Variants in CD96 observed in about 807,000 individuals in gnomAD.
CD96 encodes CD96 molecule, also known as T-cell surface protein tactile.
In CD96, 70 loss-of-function variants were observed where a neutral mutation model predicts 71.3. The observed-to-expected ratio is 0.98, with a 90% CI of 0.81 to 1.20. CD96 has a LOEUF of 1.20. Ranked by LOEUF, CD96 falls within the 50% of genes most tolerant of loss-of-function variation. The pLI is 0.00. For missense variants in CD96, 742 were observed against 677.5 expected, an observed-to-expected ratio of 1.10 and a Z score of -1.06; for synonymous variants, 248 against 233.0, an observed-to-expected ratio of 1.06 and a Z score of -0.59.
chr3:111,568,230 A>T (rs1335208342), intron 3 of CD96, among the ~76,000 whole-genome samples: 3 of 152,214 alleles, frequency 2.0e-5, no homozygotes, highest in Admixed American at 6.5e-5. Flanking sequence ...TAAAAAACAA[A>T]AAACAGACAA....
At chr3:111,620,932 C>T (rs1254793801) in intron 8 of CD96, among the ~76,000 whole-genome samples, 2 of 152,192 alleles carry the variant, frequency 1.3e-5, no homozygotes, top group South Asian at 2.1e-4. Flanking sequence ...ATTTATGTCA[C>T]ATTATTTTCT....
At chr3:111,567,412 C>T in intron 2 of CD96, 111 bp from the exon 3 acceptor site, 2 of 832,224 alleles carry the variant, frequency 2.4e-6, no homozygotes, top group Non-Finnish European at 2.0e-6. Flanking sequence ...CATAGGTGTA[C>T]CCTGAGGACA....
At chr3:111,573,403 G>A (rs1439301501) in intron 3 of CD96, among the ~76,000 whole-genome samples, 1 of 152,112 alleles carries the variant, frequency 6.6e-6, no homozygotes, top group Non-Finnish European at 1.5e-5. Flanking sequence ...AAAAACGGCA[G>A]CATGGGGAAA....
At chr3:111,615,635 C>A (rs1938193798) in intron 8 of CD96, among the ~76,000 whole-genome samples, 1 of 152,066 alleles carries the variant, frequency 6.6e-6, no homozygotes, top group African/African-American at 2.4e-5. Context: ...TAAAAATAAT[C>A]TAGGTTTAGA....
chr3:111,594,498 G>C (rs1476262270), intron 5 of CD96: 1 of 320,188 alleles, frequency 3.1e-6, no homozygotes, highest in East Asian at 5.3e-5. Flanking sequence ...ATCAGTTCCT[G>C]TAGCAAAGGG....
At chr3:111,616,878 C>G (rs1938266468) in intron 8 of CD96, among the ~76,000 whole-genome samples, 1 of 152,146 alleles carries the variant, frequency 6.6e-6, no homozygotes. Flanking sequence ...TGGCTCCAGA[C>G]CCTGACACCC....
intron 6 of CD96, 67 bp from the exon 7 acceptor site, chr3:111,600,659 C>A: frequency 8.4e-7 from 1 of 1,191,322 alleles, no homozygotes; most frequent in Non-Finnish European, 1.3e-6. Context: ...CATGCCATGC[C>A]TTGGCATTAT....
chr3:111,649,576 G>T, intron 13 of CD96, 122 bp from the exon 14 acceptor site: 2 of 727,202 alleles, frequency 2.8e-6, no homozygotes, highest in Non-Finnish European at 5.1e-6. Flanking sequence ...AAAGAACTGG[G>T]AGAGTATGTC....
chr3:111,594,055 G>C (rs1937133856), intron 5 of CD96: 1 of 1,614,180 alleles, frequency 6.2e-7, no homozygotes, highest in South Asian at 1.1e-5. Context: ...GGGTGCCCTT[G>C]TTGTGGGGCA....
chr3:111,624,267 A>G lies in CD96; in HGVS notation c.1250-66A>G. On this transcript the variant is annotated intron_variant, in intron 9 of 13. Transcript: ENST00000352690. ...GTCACATAGATTAAAAATTCTGTGCATCAAAGCAAAGTTAAATTACAGCTT... is the reference window on the plus strand; with the variant it reads ...GTCACATAGATTAAAAATTCTGTGCGTCAAAGCAAAGTTAAATTACAGCTT... 24 of 1,087,910 alleles carry G rather than the reference A, an allele frequency of 2.2e-5. No homozygotes were observed. The South Asian group carries it at 2.9e-4, about 13-fold the overall frequency. The allele number at this position is 1,087,910 out of a possible 1,614,324, so 67.4% of individuals were successfully genotyped here. A position where few individuals can be genotyped will look rare whatever the true frequency, so the allele number is the denominator to read the frequency against.
chr3:111,625,131 C>T (rs544838593), intron 10 of CD96, among the ~76,000 whole-genome samples: 8 of 152,316 alleles, frequency 5.3e-5, no homozygotes, highest in African/African-American at 1.9e-4. Flanking sequence ...TTAAGTTTTA[C>T]AGTTAAAACC....
At position 111,567,591 on chromosome 3, in the gene CD96, T is replaced by A. The variant is rs563996981; in HGVS notation, c.487T>A (p.Cys163Ser). Residue 163 changes from cysteine (C) to serine (S), a missense_variant, in exon 3 of 14, where the codon TGC (cysteine) becomes AGC (serine). Coordinates refer to ENST00000352690, the MANE Select transcript of CD96 (RefSeq NM_005816.5). ...GATAAATCAGACTCTGGAAATACCA[T>A]GCTTTCAAAATAGCTCCTCAAAAAT... Reference protein sequence around the residue: ...IEINQTLEIPCFQNSSSKISS... With the variant: ...IEINQTLEIPSFQNSSSKISS... 5.6e-6 allele frequency: 9 copies of A among 1,610,794 alleles called. No individual in the cohort carries two copies. The highest frequency in any genetic ancestry group is 7.6e-6 in the Non-Finnish European group (9 of 1,176,980).
At chr3:111,543,658 A>G (rs1272387799) in intron 1 of CD96, among the ~76,000 whole-genome samples, 1 of 152,234 alleles carries the variant, frequency 6.6e-6, no homozygotes, top group Non-Finnish European at 1.5e-5. Flanking sequence ...TATGTAGGCT[A>G]AGAAATTTAA....
At chr3:111,600,633 A>T in intron 6 of CD96, 93 bp from the exon 7 acceptor site, 1 of 968,086 alleles carries the variant, frequency 1.0e-6, no homozygotes, top group Non-Finnish European at 1.7e-6. Flanking sequence ...TAGACTCTAC[A>T]TTACCACAAA....
intron 2 of CD96, among the ~76,000 whole-genome samples, chr3:111,551,586 A>T (rs1934707309): frequency 6.6e-6 from 1 of 152,110 alleles, no homozygotes; most frequent in Admixed American, 6.6e-5. Context: ...GTTCAGGGGT[A>T]CATGTGCAGG....
intron 3 of CD96, chr3:111,570,847 G>A: frequency 1.9e-6 from 3 of 1,611,572 alleles, no homozygotes; most frequent in Non-Finnish European, 2.5e-6. Context: ...GTGGCTCCAG[G>A]GTGCAAGGGT....
chr3:111,598,744 A>G (rs1451706603), intron 6 of CD96, among the ~76,000 whole-genome samples: 1 of 152,210 alleles, frequency 6.6e-6, no homozygotes, highest in African/African-American at 2.4e-5. Context: ...AGGAGGATTA[A>G]AAGTTCCTGG....
At chr3:111,652,756 T>G (rs1940135899), downstream of CD96, among the ~76,000 whole-genome samples, 2 of 152,098 alleles carry the variant, frequency 1.3e-5, no homozygotes, top group South Asian at 4.1e-4. Context: ...CAGTTGCCTT[T>G]TAGTTAGTAC....
intron 4 of CD96, chr3:111,579,513 T>C (rs1322256111): frequency 1.1e-5 from 5 of 470,802 alleles, no homozygotes; most frequent in African/African-American, 9.8e-5. Flanking sequence ...TGAAACTGAG[T>C]AATTTGTAAA....
Sources: allele counts gnomAD v4.1 joint callset (sites outside exome capture counted in the v4.1 genomes callset), GRCh38; gene constraint gnomAD v4.1.1; transcripts MANE v1.5; gene names NCBI Gene and HGNC (gene_info 2026-07-23, HGNC 2026-07-21).